Variants in THSD7A observed in about 807,000 individuals in gnomAD.
THSD7A encodes the protein thrombospondin type-1 domain-containing protein 7A.
THSD7A carries 96 observed loss-of-function variants against 231.3 expected under a neutral mutation model. The ratio of observed to expected loss-of-function variants is 0.41; its 90% CI spans 0.35 to 0.49. The LOEUF (loss-of-function observed/expected upper bound fraction) is 0.49. Among genes scored for constraint, THSD7A ranks in the 20% least tolerant of loss-of-function variants. The probability of loss-of-function intolerance (pLI) is 0.05; values close to 1 mark genes in which losing one functional copy is unlikely to be tolerated. For missense variants in THSD7A, 2,290 were observed against 2,070.2 expected (o/e 1.11, Z -2.06); for synonymous variants, 940 against 743.3 (o/e 1.26, Z -4.30).
intron 2 of THSD7A, among the ~76,000 whole-genome samples, chr7:11,599,676 A>C (rs1214681814): frequency 6.6e-6 from 1 of 152,246 alleles, no homozygotes; most frequent in East Asian, 1.9e-4. Flanking sequence ...TCTTTATTTT[A>C]AGATTATGTA....
At chr7:11,379,867 A>G (rs1479133483) in intron 24 of THSD7A, 155 bp from the exon 25 acceptor site, 1 of 784,516 alleles carries the variant, frequency 1.3e-6, no homozygotes, top group African/African-American at 1.7e-5. Flanking sequence ...GTTAACCTTG[A>G]CCACCTTATG....
chr7:11,610,265 T>C (rs1398478190), intron 2 of THSD7A, among the ~76,000 whole-genome samples: 2 of 152,136 alleles, frequency 1.3e-5, no homozygotes, highest in Non-Finnish European at 1.5e-5. Context: ...TAATGCTATT[T>C]AGTCCCCTAT....
chr7:11,707,386 G>A (rs1275561110), intron 1 of THSD7A, among the ~76,000 whole-genome samples: 1 of 150,864 alleles, frequency 6.6e-6, no homozygotes, highest in Non-Finnish European at 1.5e-5. Flanking sequence ...GTTTACCATG[G>A]CATCCTGCCT....
At chr7:11,665,334 GC>G (rs1783088998) in intron 1 of THSD7A, among the ~76,000 whole-genome samples, 1 of 152,020 alleles carries the variant, frequency 6.6e-6, no homozygotes, top group Non-Finnish European at 1.5e-5. Context: ...CTGTAGAACA[GC>G]TTTTCAGGCA....
chr7:11,621,858 C>T (rs1056982842), intron 2 of THSD7A, among the ~76,000 whole-genome samples: 5 of 152,078 alleles, frequency 3.3e-5, no homozygotes, highest in Admixed American at 2.6e-4. Flanking sequence ...AATGGCCTGG[C>T]TGTTGCAGAT....
At position 11,476,318 on chromosome 7, in the gene THSD7A, T is replaced by TACACACAC. The variant is rs59127235; in HGVS notation, c.2018-1758_2018-1751dup. 2.3e-3 allele frequency among the ~76,000 whole-genome samples: 320 copies of TACACACAC among 137,382 alleles called. 1 individual carries two copies. Among genetic ancestry groups the TACACACAC allele is most frequent in the South Asian group, 3.7e-3 (15 of 4,058 alleles). The allele number at this position is 137,382 out of a possible 152,430, so 90.1% of individuals were successfully genotyped here. On this transcript the variant is annotated intron_variant, in intron 7 of 27. Coordinates refer to ENST00000423059, the MANE Select transcript of THSD7A (RefSeq NM_015204.3). ...AACCAGAAGTCAAGCCTCTGGAAGA[T>TACACACAC]ACACACACACACACACACACACACA...
intron 4 of THSD7A, among the ~76,000 whole-genome samples, chr7:11,585,262 A>G (rs572414276): frequency 4.5e-4 from 68 of 152,334 alleles, no homozygotes; most frequent in African/African-American, 1.6e-3. Context: ...ACCTCTTGAC[A>G]TCTCACTTTC....
intron 6 of THSD7A, among the ~76,000 whole-genome samples, chr7:11,517,200 T>A (rs1466685275): frequency 1.3e-5 from 2 of 152,094 alleles, no homozygotes; most frequent in Non-Finnish European, 2.9e-5. Flanking sequence ...TGCCTCAGCC[T>A]CCAGAGTAGT....
At chr7:11,774,610 C>T (rs1323426044) in intron 1 of THSD7A, among the ~76,000 whole-genome samples, 1 of 151,840 alleles carries the variant, frequency 6.6e-6, no homozygotes, top group African/African-American at 2.4e-5. Flanking sequence ...CACATGTATG[C>T]CTATGTTCAA....
intron 8 of THSD7A, among the ~76,000 whole-genome samples, chr7:11,470,206 G>A (rs1268269421): frequency 1.3e-5 from 2 of 152,032 alleles, no homozygotes; most frequent in Non-Finnish European, 2.9e-5. Context: ...CTCAAGGAAA[G>A]ATGTGCAGAT....
intron 6 of THSD7A, among the ~76,000 whole-genome samples, chr7:11,522,559 A>G (rs369007358): frequency 2.0e-5 from 3 of 152,320 alleles, no homozygotes; most frequent in African/African-American, 7.2e-5. Flanking sequence ...AATCTGACAT[A>G]AAATCTGTGG....
chr7:11,788,343 C>A (rs1215039110), intron 1 of THSD7A, among the ~76,000 whole-genome samples: 1 of 152,022 alleles, frequency 6.6e-6, no homozygotes, highest in Non-Finnish European at 1.5e-5. Flanking sequence ...TTGCCACTGT[C>A]TAATCTTAGC....
chr7:11,591,568 A>G (rs1204655933), intron 3 of THSD7A, among the ~76,000 whole-genome samples: 5 of 152,176 alleles, frequency 3.3e-5, no homozygotes, highest in Non-Finnish European at 7.3e-5. Context: ...CGGCCCTCAG[A>G]TGTCTAATCT....
In THSD7A at chr7:11,693,493, G is replaced by T. The variant is rs979623589; in HGVS notation, c.191-56532C>A. ...AGTTCATCAGCCAGAAAATGGTAGA[G>T]GTGAGATTAACATCTAGTCTTTGTT... On this transcript the variant is annotated intron_variant, in intron 1 of 27. Transcript: ENST00000423059. Among the ~76,000 whole-genome samples the T allele has an allele frequency of 2.0e-5, 3 of 151,656 alleles. No homozygotes were observed. In the East Asian group the frequency reaches 5.9e-4, roughly 30 times the overall value.
chr7:11,604,766 A>C (rs1215265662), intron 2 of THSD7A, among the ~76,000 whole-genome samples: 1 of 152,186 alleles, frequency 6.6e-6, no homozygotes, highest in East Asian at 1.9e-4. Context: ...TGAGTTTAAC[A>C]TTAATTTCTT....
At position 11,375,163 on chromosome 7, in the gene THSD7A, TCTTA is replaced by T. The variant is rs1354817803; in HGVS notation, c.*627_*630del. ...TAAGACACTAGTACTTGTCCAGCAT[TCTTA>T]CTTTGGAGAGAGACAAGAAGTCTTA... On this transcript the variant is annotated 3_prime_UTR_variant, in exon 28 of 28. Coordinates refer to ENST00000423059, the MANE Select transcript of THSD7A (RefSeq NM_015204.3). 1 of 152,020 alleles carries T rather than the reference TCTTA, an allele frequency of 6.6e-6. No homozygotes were observed. The highest frequency in any genetic ancestry group is 2.4e-5 in the African/African-American group (1 of 41,428). 9.4% of individuals were successfully genotyped at this position (152,020 alleles called of 1,614,324 possible). A position where few individuals can be genotyped will look rare whatever the true frequency, so the allele number is the denominator to read the frequency against.
At chr7:11,539,402 A>G (rs1789047824) in intron 6 of THSD7A, among the ~76,000 whole-genome samples, 1 of 152,224 alleles carries the variant, frequency 6.6e-6, no homozygotes, top group African/African-American at 2.4e-5. Flanking sequence ...GGTGGAAAAG[A>G]TGTCCTGTAA....
chr7:11,429,210 G>C, intron 13 of THSD7A, 85 bp from the exon 14 acceptor site: 2 of 1,339,182 alleles, frequency 1.5e-6, no homozygotes, highest in Non-Finnish European at 2.0e-6. Flanking sequence ...CATTTAGAAG[G>C]TCCAAGACTG....
At chr7:11,519,216 G>A (rs538796278) in intron 6 of THSD7A, among the ~76,000 whole-genome samples, 1 of 152,164 alleles carries the variant, frequency 6.6e-6, no homozygotes, top group East Asian at 1.9e-4. Flanking sequence ...TAATCGCTTT[G>A]CAGATCACAA....
Sources: allele counts gnomAD v4.1 joint callset (sites outside exome capture counted in the v4.1 genomes callset), GRCh38; gene constraint gnomAD v4.1.1; transcripts MANE v1.5; gene names NCBI Gene and HGNC (gene_info 2026-07-23, HGNC 2026-07-21).